Variants in NSD2 observed in about 807,000 individuals in gnomAD.
NSD2 encodes the protein histone-lysine N-methyltransferase NSD2.
NSD2 carries 12 observed loss-of-function variants against 139.0 expected under a neutral mutation model. The observed-to-expected ratio is 0.09, with a 90% CI of 0.06 to 0.14. NSD2 has a LOEUF of 0.14. Among genes scored for constraint, NSD2 ranks in the 10% least tolerant of loss-of-function variants. The pLI, the probability that NSD2 is intolerant of heterozygous loss-of-function variation, is 1.00. For missense variants in NSD2, 1,155 were observed against 1,745.0 expected, an observed-to-expected ratio of 0.66 and a Z score of 6.02; for synonymous variants, 669 against 648.7, an observed-to-expected ratio of 1.03 and a Z score of -0.48.
At chr4:1,893,554 T>G (rs1361197556) in intron 1 of NSD2, among the ~76,000 whole-genome samples, 4 of 137,336 alleles carry the variant, frequency 2.9e-5, no homozygotes, top group African/African-American at 5.1e-5. Flanking sequence ...TTTTTTTTTT[T>G]TTTTTGTTTT....
At chr4:1,880,220 TCTC>T (rs1268236183) in intron 1 of NSD2, among the ~76,000 whole-genome samples, 2 of 152,114 alleles carry the variant, frequency 1.3e-5, no homozygotes, top group Admixed American at 1.3e-4. Context: ...AGCATCTTCT[TCTC>T]ATTGAATCCT....
intron 1 of NSD2, among the ~76,000 whole-genome samples, chr4:1,888,547 CTTTA>C (rs1715290294): frequency 6.7e-6 from 1 of 149,446 alleles, no homozygotes; most frequent in African/African-American, 2.5e-5. Context: ...GAAGGCATTA[CTTTA>C]TTTTTTAATT....
At chr4:1,923,602 C>T (rs1445799612) in intron 5 of NSD2, among the ~76,000 whole-genome samples, 1 of 152,180 alleles carries the variant, frequency 6.6e-6, no homozygotes, top group Non-Finnish European at 1.5e-5. Context: ...AGTGGGACTC[C>T]TCATACAATG....
In NSD2 at chr4:1,981,653, C is replaced by T. The variant is rs753299316; in HGVS notation, c.*2744C>T. The T allele has an allele frequency of 7.4e-5, 29 of 389,384 alleles. No homozygotes were observed. Among genetic ancestry groups the T allele is most frequent in the Non-Finnish European group, 1.3e-4 (29 of 220,774 alleles). 24.1% of individuals were successfully genotyped at this position (389,384 alleles called of 1,614,324 possible). ...TCCGTCCTCAGGCCGGCCTTTCTTC[C>T]GGCGACACCCGTCCATGGCTGGCTG... is the stretch of plus-strand genomic sequence containing the variant. On this transcript the variant is annotated 3_prime_UTR_variant, in exon 22 of 22. Transcript: ENST00000508803.
At chr4:1,933,140 G>C (rs1721873434) in intron 6 of NSD2, among the ~76,000 whole-genome samples, 1 of 152,240 alleles carries the variant, frequency 6.6e-6, no homozygotes, top group African/African-American at 2.4e-5. Flanking sequence ...ACACCAGGCT[G>C]GAACTGCAGC....
At chr4:1,895,687 T>G (rs933126004) in intron 1 of NSD2, among the ~76,000 whole-genome samples, 2 of 152,192 alleles carry the variant, frequency 1.3e-5, no homozygotes, top group Non-Finnish European at 2.9e-5. Flanking sequence ...GGGGCATCTC[T>G]CAGTGGCTCT....
At chr4:1,872,542 TTTTAGGTA>T (rs1430205022) in intron 1 of NSD2, among the ~76,000 whole-genome samples, 2 of 149,468 alleles carry the variant, frequency 1.3e-5, no homozygotes, top group African/African-American at 4.9e-5. Context: ...CGTTAATCGT[TTTTAGGTA>T]GATAACGTGT....
chr4:1,923,839 C>A (rs9999420), intron 5 of NSD2, among the ~76,000 whole-genome samples: 1,810 of 152,302 alleles, frequency 0.012, 36 homozygotes, highest in African/African-American at 0.041. Flanking sequence ...AAAGTGAACT[C>A]ATTGGATGTC....
chr4:1,902,534 T>C (rs1717321122), intron 2 of NSD2, among the ~76,000 whole-genome samples: 1 of 152,080 alleles, frequency 6.6e-6, no homozygotes, highest in Admixed American at 6.6e-5. Flanking sequence ...TACAAAGATT[T>C]TTTGAAGTGC....
chr4:1,904,882 A>C (rs1335708928), intron 3 of NSD2, among the ~76,000 whole-genome samples: 3 of 152,088 alleles, frequency 2.0e-5, no homozygotes, highest in Non-Finnish European at 4.4e-5. Context: ...TGTAATCCCA[A>C]CACTTTGGGA....
At chr4:1,871,873 C>CCGG (rs1289054312) in intron 1 of NSD2, among the ~76,000 whole-genome samples, 3 of 139,306 alleles carry the variant, frequency 2.2e-5, no homozygotes, top group Non-Finnish European at 4.7e-5. Flanking sequence ...GCTAACGGGG[C>CCGG]CGGGCGGGCG....
intron 18 of NSD2, among the ~76,000 whole-genome samples, chr4:1,970,937 C>T (rs944319355): frequency 9.2e-5 from 14 of 152,232 alleles, no homozygotes; most frequent in African/African-American, 3.4e-4. Flanking sequence ...TGTGTTCTGA[C>T]TGTGGCCAGC....
chr4:1,882,208 G>T (rs1253865404), intron 1 of NSD2, among the ~76,000 whole-genome samples: 1 of 152,128 alleles, frequency 6.6e-6, no homozygotes, highest in African/African-American at 2.4e-5. Context: ...GATTGGATTG[G>T]ACAGCCCTGT....
At chr4:1,883,862 G>T (rs1454053636) in intron 1 of NSD2, among the ~76,000 whole-genome samples, 1 of 152,196 alleles carries the variant, frequency 6.6e-6, no homozygotes, top group Non-Finnish European at 1.5e-5. Flanking sequence ...GGAGCTGCAC[G>T]CAGGAGCTGC....
At chr4:1,961,684 A>G (rs545596271) in intron 18 of NSD2, among the ~76,000 whole-genome samples, 5 of 152,308 alleles carry the variant, frequency 3.3e-5, no homozygotes, top group African/African-American at 7.2e-5. Context: ...GGGCATGGAT[A>G]AAAGACAGTA....
In NSD2 at chr4:1,948,962, G is replaced by C. The variant is rs1011544764; in HGVS notation, c.1882-2110G>C. On this transcript the variant is annotated intron_variant, in intron 9 of 21. Transcript: ENST00000508803. The surrounding 1 kb of genome is among the most constrained non-coding windows in gnomAD (Gnocchi z 4.5). ...GGGGCTCTCTCCCCTGAGCCATGCA[G>C]AAGGCCCCTTTCTCTGGGCCTTGGT... The C allele has an allele frequency of 6.6e-6, 2 of 302,284 alleles. No individual in the cohort carries two copies. Among genetic ancestry groups the C allele is most frequent in the African/African-American group, 4.5e-5 (2 of 44,302 alleles). The allele number at this position is 302,284 out of a possible 1,614,324, so 18.7% of individuals were successfully genotyped here.
In NSD2 at chr4:1,975,012, C is replaced by T; in HGVS notation, c.3514+8C>T. 6.2e-7 allele frequency: 1 copy of T among 1,614,062 alleles called. No individual in the cohort carries two copies. Among genetic ancestry groups the T allele is most frequent in the Non-Finnish European group, 8.5e-7 (1 of 1,180,024 alleles). On this transcript the variant is annotated splice_region_variant and intron_variant, in intron 19 of 21. Transcript: ENST00000508803. ...TCTGTGACATTCCTGCAGGTACAAG[C>T]TCTGGGGACCCTGCATGGGGCTCCT... is the stretch of plus-strand genomic sequence containing the variant.
rs34335852 is a variant in NSD2 at position 1,925,389 on chromosome 4, C to CTTT, written c.1411-5212_1411-5210dup. Among the ~76,000 whole-genome samples the CTTT allele has an allele frequency of 1.3e-3, 51 of 38,002 alleles. 1 individual carries two copies. The highest frequency in any genetic ancestry group is 4.9e-3 in the African/African-American group (42 of 8,542). 24.9% of individuals were successfully genotyped at this position (38,002 alleles called of 152,430 possible). On this transcript the variant is annotated intron_variant, in intron 5 of 21. Coordinates refer to ENST00000508803, the MANE Select transcript of NSD2 (RefSeq NM_001042424.3). ...TTTAGAGGTCATTTTCTTTTTCTTT[C>CTTT]TTTTTTTTTTTTTTTTTTTTTTTTT...
In NSD2 at chr4:1,979,469, G is replaced by GT. The variant is rs1263658805; in HGVS notation, c.*560_*561insT. The GT allele has an allele frequency of 4.3e-6, 1 of 233,244 alleles. No individual in the cohort carries two copies. The highest frequency in any genetic ancestry group is 8.5e-6 in the Non-Finnish European group (1 of 118,120). The allele number at this position is 233,244 out of a possible 1,614,324, so 14.4% of individuals were successfully genotyped here. A position where few individuals can be genotyped will look rare whatever the true frequency, so the allele number is the denominator to read the frequency against. On this transcript the variant is annotated 3_prime_UTR_variant, in exon 22 of 22. Transcript: ENST00000508803. ...TTGTACTAATGTGAATTGTTCCTCA[G>GT]AAACGCTTCTTTTCCATCCTAGTGA...
Sources: allele counts gnomAD v4.1 joint callset (sites outside exome capture counted in the v4.1 genomes callset), GRCh38; gene constraint gnomAD v4.1.1; non-coding constraint Gnocchi (gnomAD v3.1); transcripts MANE v1.5; gene names NCBI Gene and HGNC (gene_info 2026-07-23, HGNC 2026-07-21).